Variants in PRCP observed in about 807,000 individuals in gnomAD.
PRCP encodes the protein prolylcarboxypeptidase.
PRCP carries 46 observed loss-of-function variants against 54.2 expected under a neutral mutation model. The observed-to-expected ratio is 0.85, with a 90% CI of 0.67 to 1.09. The LOEUF (loss-of-function observed/expected upper bound fraction) is 1.09, where lower values mean the gene tolerates loss of function less well. Among genes scored for constraint, PRCP ranks in the 50% least tolerant of loss-of-function variants. The pLI, the probability that PRCP is intolerant of heterozygous loss-of-function variation, is 0.00. For missense variants in PRCP, 613 were observed against 596.8 expected (o/e 1.03, Z -0.28); for synonymous variants, 240 against 212.2 (o/e 1.13, Z -1.14).
intron 2 of PRCP, among the ~76,000 whole-genome samples, chr11:82,857,144 G>C (rs1406867674): frequency 4.0e-5 from 6 of 151,208 alleles, no homozygotes; most frequent in Non-Finnish European, 8.8e-5. Context: ...CAACATAAAA[G>C]AGAAAGCAAA....
intron 1 of PRCP, among the ~76,000 whole-genome samples, chr11:82,892,620 GA>G (rs1860029845): frequency 1.3e-5 from 2 of 151,996 alleles, no homozygotes; most frequent in South Asian, 4.1e-4. Flanking sequence ...TTTAATTACT[GA>G]ATGATGGTAT....
At position 82,888,347 on chromosome 11, in the gene PRCP, G is replaced by A. The variant is rs983995783; in HGVS notation, c.168+11888C>T. Reference sequence around the variant, plus strand: ...ACACAGCTGCTGCTTCTCTCCAGCCGCAGCACCACAGGGCAACCTGAACTA... The same window carrying A: ...ACACAGCTGCTGCTTCTCTCCAGCCACAGCACCACAGGGCAACCTGAACTA... On this transcript the variant is annotated intron_variant, in intron 1 of 8. Coordinates refer to ENST00000313010, the MANE Select transcript of PRCP (RefSeq NM_005040.4). 4.6e-5 allele frequency among the ~76,000 whole-genome samples: 7 copies of A among 152,162 alleles called. No homozygotes were observed. The South Asian group carries it at 6.2e-4, about 14-fold the overall frequency.
chr11:82,879,796 G>A (rs187052481), intron 1 of PRCP, among the ~76,000 whole-genome samples: 117 of 152,312 alleles, frequency 7.7e-4, no homozygotes, highest in African/African-American at 2.6e-3. Flanking sequence ...GTTTGCTGGA[G>A]GTCCCTTCCA....
At position 82,838,579 on chromosome 11, in the gene PRCP, G is replaced by C. The variant is rs781514782; in HGVS notation, c.1087-5C>G. ...CATGACTACTTCTGTGCAGGCCTAA[G>C]AAGCAAACCAAGAGAGAATCCAATT... is the stretch of plus-strand genomic sequence containing the variant. On this transcript the variant is annotated splice_region_variant and splice_polypyrimidine_tract_variant and intron_variant, in intron 7 of 8. Coordinates refer to ENST00000313010, the MANE Select transcript of PRCP (RefSeq NM_005040.4). 6.2e-7 allele frequency: 1 copy of C among 1,605,774 alleles called. No individual in the cohort carries two copies. The highest frequency in any genetic ancestry group is 2.2e-5 in the East Asian group (1 of 44,758).
chr11:82,865,441 T>C (rs1016051940), intron 1 of PRCP, among the ~76,000 whole-genome samples: 8 of 152,254 alleles, frequency 5.3e-5, no homozygotes, highest in Non-Finnish European at 1.2e-4. Flanking sequence ...TAATTGTTAC[T>C]ACACTACTAT....
chr11:82,834,993 G>T (rs567332114), intron 8 of PRCP, among the ~76,000 whole-genome samples: 1 of 152,322 alleles, frequency 6.6e-6, no homozygotes, highest in East Asian at 1.9e-4. Flanking sequence ...GAATCCAGGA[G>T]ACAGAGGTTG....
chr11:82,877,565 G>C (rs1460957129), intron 1 of PRCP, among the ~76,000 whole-genome samples: 1 of 152,208 alleles, frequency 6.6e-6, no homozygotes, highest in Non-Finnish European at 1.5e-5. Flanking sequence ...GGCCAACATA[G>C]AGCTTAGGCT....
intron 1 of PRCP, among the ~76,000 whole-genome samples, chr11:82,892,555 T>C (rs947013512): frequency 1.3e-5 from 2 of 152,210 alleles, no homozygotes; most frequent in African/African-American, 4.8e-5. Flanking sequence ...ATTACAAAAA[T>C]CTATATATCA....
At chr11:82,842,695 A>G (rs1858704112) in intron 6 of PRCP, among the ~76,000 whole-genome samples, 1 of 152,212 alleles carries the variant, frequency 6.6e-6, no homozygotes, top group South Asian at 2.1e-4. Context: ...ATCCTGTCAA[A>G]CTGCCTTATA....
intron 1 of PRCP, among the ~76,000 whole-genome samples, chr11:82,882,954 T>C (rs1859786783): frequency 1.3e-5 from 2 of 151,970 alleles, no homozygotes; most frequent in Admixed American, 6.5e-5. Flanking sequence ...ACTCCATGAC[T>C]AGCTTCTGTT....
intron 1 of PRCP, among the ~76,000 whole-genome samples, chr11:82,868,299 A>G (rs910173091): frequency 3.9e-5 from 6 of 152,228 alleles, no homozygotes; most frequent in African/African-American, 1.4e-4. Context: ...GCATATGTAA[A>G]TTATATTGCA....
At chr11:82,878,591 T>C (rs1859662636) in intron 1 of PRCP, among the ~76,000 whole-genome samples, 2 of 152,214 alleles carry the variant, frequency 1.3e-5, no homozygotes, top group African/African-American at 4.8e-5. Flanking sequence ...ATTATGATGT[T>C]AGCTGGTTAT....
intron 6 of PRCP, among the ~76,000 whole-genome samples, chr11:82,845,392 G>A (rs1222102279): frequency 6.6e-6 from 1 of 151,598 alleles, no homozygotes; most frequent in African/African-American, 2.4e-5. Flanking sequence ...AGATATGTTG[G>A]GGGAAAAAAA....
At chr11:82,839,093 A>G (rs1340404060) in intron 7 of PRCP, among the ~76,000 whole-genome samples, 168 bp downstream of exon 7, 3 of 152,244 alleles carry the variant, frequency 2.0e-5, no homozygotes, top group Non-Finnish European at 2.9e-5. Context: ...TATTAAATGA[A>G]CAAATGAATG....
chr11:82,875,394 C>G (rs932348482), intron 1 of PRCP, among the ~76,000 whole-genome samples: 8 of 152,328 alleles, frequency 5.3e-5, no homozygotes, highest in African/African-American at 1.9e-4. Context: ...GTGGGGCTAC[C>G]AGCAAGACTG....
Position 82,824,740 on chromosome 11 carries a change from C to T in PRCP, c.*166G>A. The T allele has an allele frequency of 1.5e-6, 1 of 685,978 alleles. No homozygotes were observed. The highest frequency in any genetic ancestry group is 2.4e-6 in the Non-Finnish European group (1 of 416,284). The allele number at this position is 685,978 out of a possible 1,614,324, so 42.5% of individuals were successfully genotyped here. On this transcript the variant is annotated 3_prime_UTR_variant, in exon 9 of 9. Transcript: ENST00000313010. ...CAGTGAGAACCCAGGAAATCACATTCATGGGACACTTGCTCTTACCGTCAT... is the reference window on the plus strand; with the variant it reads ...CAGTGAGAACCCAGGAAATCACATTTATGGGACACTTGCTCTTACCGTCAT...
At chr11:82,837,113 G>A (rs912305420) in intron 8 of PRCP, 2 of 219,946 alleles carry the variant, frequency 9.1e-6, no homozygotes, top group Non-Finnish European at 1.9e-5. Flanking sequence ...CTGCAGAAGG[G>A]CATCCGACTC....
chr11:82,889,539 AGCAGCAGAAGAC>A lies in PRCP; in HGVS notation c.168+10684_168+10695del, dbSNP rs1232683777. ...AAGCAGCAGAGGAAGCTGCAGAAGCAGCAGCAGAAGACGCAGCAGCAGGAGCAGCAGAAGCAG... is the reference window on the plus strand; with the variant it reads ...AAGCAGCAGAGGAAGCTGCAGAAGCAGCAGCAGCAGGAGCAGCAGAAGCAG... On this transcript the variant is annotated intron_variant, in intron 1 of 8. Transcript: ENST00000313010. Among the ~76,000 whole-genome samples, 4 of 152,090 alleles carry A rather than the reference AGCAGCAGAAGAC, an allele frequency of 2.6e-5. No homozygotes were observed. The East Asian group carries it at 7.7e-4, about 29-fold the overall frequency.
At chr11:82,829,437 C>A (rs1255258884) in intron 8 of PRCP, 1 of 152,218 alleles carries the variant, frequency 6.6e-6, no homozygotes, top group Non-Finnish European at 1.5e-5. Flanking sequence ...AATCCTCTTA[C>A]CCCACCAACC....
Sources: gnomAD v4.1 joint callset for allele counts (sites outside exome capture counted in the v4.1 genomes callset) on GRCh38, gnomAD v4.1.1 for gene constraint, MANE v1.5 for transcripts, NCBI Gene and HGNC (gene_info 2026-07-23, HGNC 2026-07-21) for gene names.